Variants in CUL4A observed in about 807,000 individuals in gnomAD.
The protein encoded by CUL4A is cullin 4A.
Under a neutral mutation model 95.5 loss-of-function variants are expected in CUL4A, and 16 were observed. The ratio of observed to expected loss-of-function variants is 0.17; its 90% confidence interval spans 0.11 to 0.25. The LOEUF (loss-of-function observed/expected upper bound fraction) is 0.25, where lower values mean the gene tolerates loss of function less well. Ranked by LOEUF, CUL4A falls within the 10% of genes least tolerant of loss-of-function variation. The pLI is 1.00. For synonymous variants in CUL4A, 380 were observed against 353.1 expected (o/e 1.08, Z -0.85); for missense variants, 610 against 937.0 (o/e 0.65, Z 4.56).
intron 15 of CUL4A, among the ~76,000 whole-genome samples, chr13:113,251,462 G>T (rs1348325222): frequency 6.6e-6 from 1 of 152,160 alleles, no homozygotes; most frequent in Non-Finnish European, 1.5e-5. Context: ...GTGAGCTCGT[G>T]GGAGAGGAGG....
chr13:113,261,326 T>C (rs534457521), intron 19 of CUL4A, among the ~76,000 whole-genome samples: 1 of 152,338 alleles, frequency 6.6e-6, no homozygotes, highest in Admixed American at 6.5e-5. Flanking sequence ...TGAACTCTGA[T>C]GACGCCTGGC....
chr13:113,256,134 C>CA (rs2042113944), intron 18 of CUL4A, among the ~76,000 whole-genome samples: 1 of 152,104 alleles, frequency 6.6e-6, no homozygotes, highest in South Asian at 2.1e-4. Flanking sequence ...CCAGCCTGAG[C>CA]AATGCAGTGA....
At chr13:113,230,416 C>T (rs1309166919) in intron 5 of CUL4A, among the ~76,000 whole-genome samples, 3 of 152,072 alleles carry the variant, frequency 2.0e-5, no homozygotes, top group Non-Finnish European at 4.4e-5. Context: ...TTTTGGACAC[C>T]CTGTCCTTGT....
At chr13:113,209,880 G>A in intron 1 of CUL4A, 93 bp from the exon 2 acceptor site, 1 of 1,199,226 alleles carries the variant, frequency 8.3e-7, no homozygotes. Context: ...GGCCCCGGGA[G>A]CGGGGGCGCC....
At chr13:113,255,417 T>G (rs2042095618) in intron 18 of CUL4A, among the ~76,000 whole-genome samples, 1 of 152,252 alleles carries the variant, frequency 6.6e-6, no homozygotes, top group Non-Finnish European at 1.5e-5. Flanking sequence ...ATCCACACTT[T>G]CTATGGTAAT....
intron 15 of CUL4A, among the ~76,000 whole-genome samples, chr13:113,248,486 T>G (rs907996037): frequency 4.6e-5 from 7 of 152,234 alleles, no homozygotes; most frequent in Admixed American, 3.3e-4. Flanking sequence ...TTTAGTACTT[T>G]TTTGTTTTCT....
At chr13:113,240,470 A>C (rs1296985185) in intron 10 of CUL4A, among the ~76,000 whole-genome samples, 1 of 152,252 alleles carries the variant, frequency 6.6e-6, no homozygotes, top group Non-Finnish European at 1.5e-5. Context: ...AGGATGTGCC[A>C]GTTGCCTAGC....
At chr13:113,235,940 C>T (rs1232107709) in intron 8 of CUL4A, among the ~76,000 whole-genome samples, 2 of 147,240 alleles carry the variant, frequency 1.4e-5, no homozygotes, top group Non-Finnish European at 3.0e-5. Context: ...CACTGCACTC[C>T]AGCCTGGGCG....
At chr13:113,208,835 C>T (rs1046376485), upstream of CUL4A, 66 of 1,407,484 alleles carry the variant, frequency 4.7e-5, no homozygotes, top group Non-Finnish European at 5.8e-5. Flanking sequence ...GCCGGGGCCC[C>T]GTCCTCTCAG....
chr13:113,248,422 G>A (rs542087272), intron 15 of CUL4A, among the ~76,000 whole-genome samples: 1 of 152,122 alleles, frequency 6.6e-6, no homozygotes, highest in African/African-American at 2.4e-5. Context: ...TATGTGGTCT[G>A]TGAGCCACCC....
At position 113,219,020 on chromosome 13, in the gene CUL4A, G is replaced by T; in HGVS notation, c.340G>T (p.Val114Phe). 6.2e-7 allele frequency: 1 copy of T among 1,612,072 alleles called. No homozygotes were observed. Among genetic ancestry groups the T allele is most frequent in the Non-Finnish European group, 8.5e-7 (1 of 1,179,084 alleles). The change falls in exon 3 of 20, where the codon GTC (valine) becomes TTC (phenylalanine). Residue 114 changes from valine to phenylalanine, a missense_variant. This residue lies in a region of CUL4A where 168 missense variants were observed against 185.5 expected (regional missense o/e 0.91). Transcript: ENST00000375440. ...KQLRQACEDHVQAQILPFRED... is the reference protein window; with the variant it reads ...KQLRQACEDHFQAQILPFRED... ...ACTGCGTCAGGCCTGTGAAGACCAC[G>T]TCCAGGCACAGATCCTTCCGTTTAG... is the stretch of plus-strand genomic sequence containing the variant.
Position 113,248,038 on chromosome 13 carries a change from C to T in CUL4A, c.1638+1975C>T, listed in dbSNP as rs547912991. On this transcript the variant is annotated intron_variant, in intron 15 of 19. Transcript: ENST00000375440. The stretch of plus-strand genomic sequence containing the variant: ...TCCTGGCGGGAGGTGCGCACTATCA[C>T]GTGCCCCAGTGTCTTGGTGACATTC... 4.6e-5 allele frequency among the ~76,000 whole-genome samples: 7 copies of T among 152,290 alleles called. No individual in the cohort carries two copies. The South Asian group carries it at 6.2e-4, about 14-fold the overall frequency.
In CUL4A at chr13:113,265,708, AGAAAG is replaced by A. The variant is rs1447975564; in HGVS notation, c.*2131_*2135del. On this transcript the variant is annotated 3_prime_UTR_variant, in exon 20 of 20. Coordinates refer to ENST00000375440, the MANE Select transcript of CUL4A (RefSeq NM_001008895.4). ...GGCCTGCCTGTTTCTGTTTTATAAA[AGAAAG>A]GAAAATCTATTTATATCTATTCTCT... 1.3e-5 allele frequency: 2 copies of A among 152,370 alleles called. No homozygotes were observed. The highest frequency in any genetic ancestry group is 6.5e-5 in the Admixed American group (1 of 15,304). The allele number at this position is 152,370 out of a possible 1,614,324, so 9.4% of individuals were successfully genotyped here.
At chr13:113,209,504 C>G (rs2040250973), upstream of CUL4A, 2 of 518,264 alleles carry the variant, frequency 3.9e-6, no homozygotes, top group African/African-American at 4.6e-5. Context: ...GGCTCGGGCA[C>G]GCGGGCGGGG....
rs373984099 is a variant in CUL4A, at chr13:113,250,016, A to G, written c.1639-3066A>G. On this transcript the variant is annotated intron_variant, in intron 15 of 19. Coordinates refer to ENST00000375440, the MANE Select transcript of CUL4A (RefSeq NM_001008895.4). Reference sequence around the variant, plus strand: ...GACCCTTATCAGATCTGTGATTTGCAAGTATTTTCTCCCATTCTGTGGGCT... The same window carrying G: ...GACCCTTATCAGATCTGTGATTTGCGAGTATTTTCTCCCATTCTGTGGGCT... Among the ~76,000 whole-genome samples, 111 of 152,288 alleles carry G rather than the reference A, an allele frequency of 7.3e-4. 1 individual carries two copies. The highest frequency in any genetic ancestry group is 2.6e-3 in the African/African-American group (109 of 41,556).
chr13:113,221,711 G>T (rs1018014808), intron 3 of CUL4A, among the ~76,000 whole-genome samples: 10 of 152,080 alleles, frequency 6.6e-5, no homozygotes, highest in African/African-American at 2.4e-4. Flanking sequence ...TCCAGTAGCT[G>T]GGATTACAGG....
At chr13:113,246,820 A>ACGAAGAC (rs2041869884) in intron 15 of CUL4A, among the ~76,000 whole-genome samples, 2 of 152,240 alleles carry the variant, frequency 1.3e-5, no homozygotes, top group Non-Finnish European at 2.9e-5. Context: ...GGCTTCAGAA[A>ACGAAGAC]TGAAGACCAA....
At chr13:113,251,621 C>T (rs1043593703) in intron 15 of CUL4A, among the ~76,000 whole-genome samples, 11 of 152,108 alleles carry the variant, frequency 7.2e-5, no homozygotes, top group Non-Finnish European at 1.6e-4. Context: ...CTCATGAGAT[C>T]TGGTTGTTTA....
intron 2 of CUL4A, 60 bp downstream of exon 2, chr13:113,210,148 G>A: frequency 3.3e-6 from 4 of 1,207,368 alleles, no homozygotes; most frequent in South Asian, 3.5e-5. Context: ...AGACGCGGCC[G>A]GGCGGCCGCT....
Sources: gnomAD v4.1 joint callset for allele counts (sites outside exome capture counted in the v4.1 genomes callset) on GRCh38, gnomAD v4.1.1 for gene constraint, gnomAD v4.1.1 regional missense constraint, MANE v1.5 for transcripts, NCBI Gene and HGNC (gene_info 2026-07-23, HGNC 2026-07-21) for gene names.